CFAP57: variants seen among roughly 807,000 people sequenced by gnomAD.
The protein encoded by CFAP57 is cilia and flagella associated protein 57.
A neutral mutation model predicts 146.8 loss-of-function variants in CFAP57; 116 were observed. The ratio of observed to expected loss-of-function variants is 0.79; its 90% CI spans 0.68 to 0.92. The LOEUF (loss-of-function observed/expected upper bound fraction) is 0.92. Among genes scored for constraint, CFAP57 ranks in the 40% least tolerant of loss-of-function variants. The pLI is 0.00. For synonymous variants in CFAP57, 518 were observed against 552.8 expected (o/e 0.94, Z 0.88); for missense variants, 1,377 against 1,527.2 (o/e 0.90, Z 1.64).
intron 3 of CFAP57, 58 bp downstream of exon 3, chr1:43,181,908 T>G: frequency 6.4e-7 from 1 of 1,568,502 alleles, no homozygotes; most frequent in Non-Finnish European, 8.8e-7. Context: ...TACTTTTTAT[T>G]GAATGTTTTC....
rs1644106974 is a variant in CFAP57 at position 43,201,174 on chromosome 1, C to T, written c.1542+1671C>T. On this transcript the variant is annotated intron_variant, in intron 9 of 22. Coordinates refer to ENST00000372492, the MANE Select transcript of CFAP57 (RefSeq NM_001378189.1). This position sits in a 1 kb window ranked among gnomAD's most constrained non-coding sequence, Gnocchi z 4.4. ...AGGAAGTCAGAGGCATAGATTAGAT[C>T]ACCAAGGGCCTATGTAGAATCTGAG... 6.6e-6 allele frequency among the ~76,000 whole-genome samples: 1 copy of T among 152,146 alleles called. No individual in the cohort carries two copies. Among genetic ancestry groups the T allele is most frequent in the Admixed American group, 6.5e-5 (1 of 15,274 alleles).
intron 17 of CFAP57, among the ~76,000 whole-genome samples, 155 bp downstream of exon 17, chr1:43,224,359 G>A (rs1645162607): frequency 6.6e-6 from 1 of 152,216 alleles, no homozygotes; most frequent in Non-Finnish European, 1.5e-5. Flanking sequence ...TTGTGTGCTT[G>A]GCACTGGGCT....
At chr1:43,248,423 T>G (rs1165027594) in intron 22 of CFAP57, among the ~76,000 whole-genome samples, 2 of 150,824 alleles carry the variant, frequency 1.3e-5, no homozygotes, top group Non-Finnish European at 3.0e-5. Context: ...GTTGACACCA[T>G]TCTCCTGCCT....
intron 11 of CFAP57, among the ~76,000 whole-genome samples, 183 bp from the exon 12 acceptor site, chr1:43,215,072 C>T (rs771339198): frequency 6.6e-6 from 1 of 152,180 alleles, no homozygotes; most frequent in Non-Finnish European, 1.5e-5. Flanking sequence ...CGTAACCTTA[C>T]TTCTTCTATT....
chr1:43,172,713 G>A (rs771158005), intron 1 of CFAP57, 22 bp from the exon 2 acceptor site: 1 of 1,612,536 alleles, frequency 6.2e-7, no homozygotes, highest in East Asian at 2.2e-5. Flanking sequence ...CCACTCTGAA[G>A]CGCTGCCTTG....
intron 9 of CFAP57, among the ~76,000 whole-genome samples, chr1:43,202,603 T>G (rs1329044841): frequency 6.6e-6 from 1 of 151,068 alleles, no homozygotes; most frequent in Non-Finnish European, 1.5e-5. Context: ...GCCAACATGG[T>G]GAAACTTCAT....
intron 12 of CFAP57, among the ~76,000 whole-genome samples, chr1:43,216,777 C>T (rs1644850102): frequency 6.6e-6 from 1 of 152,132 alleles, no homozygotes; most frequent in Non-Finnish European, 1.5e-5. Context: ...CTTTATATTC[C>T]ATTATAGTCT....
intron 21 of CFAP57, 99 bp downstream of exon 21, chr1:43,234,737 C>T: frequency 1.4e-6 from 2 of 1,406,716 alleles, no homozygotes; most frequent in Non-Finnish European, 1.9e-6. Flanking sequence ...TCAGGGCTCC[C>T]CAGGTGTCTG....
chr1:43,230,181 C>T lies in CFAP57; in HGVS notation c.3010-2327C>T, dbSNP rs372432377. Among the ~76,000 whole-genome samples, 25 of 152,308 alleles carry T rather than the reference C, an allele frequency of 1.6e-4. No homozygotes were observed. In the South Asian group the frequency reaches 5.2e-3, roughly 32 times the overall value. ...ACTCCTGTATGCCCTCTCTGCTAAC[C>T]TCATCTGTCACTGCTGGCCTGAGAT... On this transcript the variant is annotated intron_variant, in intron 18 of 22. Coordinates refer to ENST00000372492, the MANE Select transcript of CFAP57 (RefSeq NM_001378189.1).
rs552283421 is a variant in CFAP57, at chr1:43,229,562, A to G, written c.3009+2436A>G. On this transcript the variant is annotated intron_variant, in intron 18 of 22. Coordinates refer to ENST00000372492, the MANE Select transcript of CFAP57 (RefSeq NM_001378189.1). ...CCCTTGGCTCATTTGTAGAGCTGCA[A>G]CTTCTAATAACACTTCCTGATTCAG... Among the ~76,000 whole-genome samples the G allele has an allele frequency of 4.7e-5, 7 of 148,674 alleles. No homozygotes were observed. In the East Asian group the frequency reaches 1.5e-3, roughly 31 times the overall value.
Position 43,254,015 on chromosome 1 carries a change from A to G in CFAP57, c.3577A>G (p.Arg1193Gly), listed in dbSNP as rs1557845106. 6.4e-7 allele frequency: 1 copy of G among 1,550,472 alleles called. No homozygotes were observed. Among genetic ancestry groups the G allele is most frequent in the Non-Finnish European group, 8.7e-7 (1 of 1,147,024 alleles). Residue 1193 changes from arginine to glycine, a missense_variant, in exon 23 of 23, where the codon AGG becomes GGG. Arg to Gly is a moderately radical substitution (Grantham distance 125, BLOSUM62 -2). Coordinates refer to ENST00000372492, the MANE Select transcript of CFAP57 (RefSeq NM_001378189.1). ...RDMLSTAPTA[R>G]LNEQEETGRI... ...CATGCTCAGCACAGCTCCCACCGCA[A>G]GGTTGAATGAGCAAGAAGAAACTGG...
At chr1:43,239,022 C>T (rs1475124811) in intron 21 of CFAP57, among the ~76,000 whole-genome samples, 2 of 151,912 alleles carry the variant, frequency 1.3e-5, no homozygotes, top group Non-Finnish European at 2.9e-5. Context: ...GTTCTGCTTG[C>T]CGCCTCCTGG....
At chr1:43,225,563 A>C (rs1208682173) in intron 17 of CFAP57, among the ~76,000 whole-genome samples, 1 of 151,396 alleles carries the variant, frequency 6.6e-6, no homozygotes, top group African/African-American at 2.4e-5. Context: ...GAAGACCCTC[A>C]CCTCCCTCCT....
chr1:43,249,305 T>G (rs982740352), intron 22 of CFAP57, among the ~76,000 whole-genome samples: 6 of 152,002 alleles, frequency 3.9e-5, no homozygotes, highest in African/African-American at 1.4e-4. Flanking sequence ...CTAAAACATT[T>G]ATCCCATTGA....
At chr1:43,232,832 T>C (rs760217644) in intron 19 of CFAP57, among the ~76,000 whole-genome samples, 2 of 152,230 alleles carry the variant, frequency 1.3e-5, no homozygotes, top group Non-Finnish European at 2.9e-5. Flanking sequence ...ATAAAATGAC[T>C]TTGGGTAAGT....
intron 22 of CFAP57, among the ~76,000 whole-genome samples, chr1:43,249,622 T>A (rs1200923750): frequency 1.4e-5 from 2 of 141,818 alleles, no homozygotes; most frequent in African/African-American, 5.3e-5. Flanking sequence ...TTTTTTTTTT[T>A]TAGTAGAAAT....
At chr1:43,247,981 C>T (rs1225465944) in intron 22 of CFAP57, among the ~76,000 whole-genome samples, 71 of 151,616 alleles carry the variant, frequency 4.7e-4, no homozygotes, top group Non-Finnish European at 1.0e-4. Context: ...AAAAATTAGC[C>T]GGGCGTGGTG....
chr1:43,225,371 C>T (rs908155190), intron 17 of CFAP57, among the ~76,000 whole-genome samples: 1 of 152,222 alleles, frequency 6.6e-6, no homozygotes, highest in African/African-American at 2.4e-5. Context: ...TGTGGTCTGT[C>T]TCAACGAATC....
chr1:43,234,783 C>A, intron 21 of CFAP57, 145 bp downstream of exon 21: 3 of 1,074,542 alleles, frequency 2.8e-6, no homozygotes, highest in African/African-American at 1.6e-5. Context: ...CTTATTTTGG[C>A]TCCTCTCCTC....
Sources: allele counts gnomAD v4.1 joint callset (sites outside exome capture counted in the v4.1 genomes callset), GRCh38; gene constraint gnomAD v4.1.1; non-coding constraint Gnocchi (gnomAD v3.1); transcripts MANE v1.5; gene names NCBI Gene and HGNC (gene_info 2026-07-23, HGNC 2026-07-21).